Variants in YY2 observed in about 807,000 individuals in gnomAD.
YY2 encodes YY2 transcription factor, also known as transcription factor YY2.
For missense variants in YY2, 254 were observed against 305.3 expected (o/e 0.83, Z 1.25); for synonymous variants, 157 against 131.2 (o/e 1.20, Z -1.35).
chrX:21,856,272 C>T lies in YY2; in HGVS notation c.-213C>T, dbSNP rs1423213823. ...CCTGCGCCTTCCGGCTCGTGCTTTC[C>T]TCAGTCTCGCGCCTTTCTCTGCAGC... On this transcript the variant is annotated 5_prime_UTR_variant, in exon 1 of 1. Coordinates refer to ENST00000429584, the MANE Select transcript of YY2 (RefSeq NM_206923.4). 4.5e-6 allele frequency: 2 copies of T among 440,148 alleles called. No homozygotes were observed. The highest frequency in any genetic ancestry group is 4.1e-5 in the South Asian group (1 of 24,676). The allele number at this position is 440,148 out of a possible 1,213,427, so 36.3% of individuals were successfully genotyped here.
chrX:21,857,654 A>G lies in YY2; in HGVS notation c.*51A>G, dbSNP rs759534197. The G allele has an allele frequency of 8.9e-7, 1 of 1,123,802 alleles. No homozygotes were observed. The highest frequency in any genetic ancestry group is 1.2e-6 in the Non-Finnish European group (1 of 839,704). The allele number at this position is 1,123,802 out of a possible 1,213,427, so 92.6% of individuals were successfully genotyped here. A position where few individuals can be genotyped will look rare whatever the true frequency, so the allele number is the denominator to read the frequency against. ...GGGAATTATCTTCCAGGACTGCGGT[A>G]GGGAATAAATATGCCTCTCAAAGCT... On this transcript the variant is annotated 3_prime_UTR_variant, in exon 1 of 1. Transcript: ENST00000429584.
At position 21,857,624 on chromosome X, in the gene YY2, G is replaced by C; in HGVS notation, c.*21G>C. The C allele has an allele frequency of 8.5e-7, 1 of 1,180,595 alleles. No individual in the cohort carries two copies. The highest frequency in any genetic ancestry group is 1.1e-6 in the Non-Finnish European group (1 of 879,371). On this transcript the variant is annotated 3_prime_UTR_variant, in exon 1 of 1. Transcript: ENST00000429584. ...CGTGAAAAGGAGAAGACCCCTCTCAGACTTGGGAATTATCTTCCAGGACTG... is the reference window on the plus strand; with the variant it reads ...CGTGAAAAGGAGAAGACCCCTCTCACACTTGGGAATTATCTTCCAGGACTG...
rs937889302 is a variant in YY2 at position 21,856,403 on chromosome X, C to G, written c.-82C>G. On this transcript the variant is annotated 5_prime_UTR_variant, in exon 1 of 1. Coordinates refer to ENST00000429584, the MANE Select transcript of YY2 (RefSeq NM_206923.4). ...CCCTTCCTCTGCAGCTCGCCCCTTC[C>G]TCTGCAGCTCCCACCTCACTCCCCT... 9 of 1,081,822 alleles carry G rather than the reference C, an allele frequency of 8.3e-6. No individual in the cohort carries two copies. Among genetic ancestry groups the G allele is most frequent in the East Asian group, 6.1e-5 (2 of 33,041 alleles). The allele number at this position is 1,081,822 out of a possible 1,213,427, so 89.2% of individuals were successfully genotyped here. A position where few individuals can be genotyped will look rare whatever the true frequency, so the allele number is the denominator to read the frequency against.
In YY2 at chrX:21,856,298, TCGCGCCTTTCTCTGC is replaced by T; in HGVS notation, c.-186_-172del. 1 of 369,336 alleles carries T rather than the reference TCGCGCCTTTCTCTGC, an allele frequency of 2.7e-6. No homozygotes were observed. Among genetic ancestry groups the T allele is most frequent in the East Asian group, 4.7e-5 (1 of 21,455 alleles). The allele number at this position is 369,336 out of a possible 1,213,427, so 30.4% of individuals were successfully genotyped here. A position where few individuals can be genotyped will look rare whatever the true frequency, so the allele number is the denominator to read the frequency against. Reference sequence around the variant, plus strand: ...TCAGTCTCGCGCCTTTCTCTGCAGCTCGCGCCTTTCTCTGCAGCTCGCGCCTTTCTCTGCAGCTCG... The same window carrying T: ...TCAGTCTCGCGCCTTTCTCTGCAGCTAGCTCGCGCCTTTCTCTGCAGCTCG... On this transcript the variant is annotated 5_prime_UTR_variant, in exon 1 of 1. It introduces an in-frame stop codon into an upstream open reading frame of the 5' UTR. Transcript: ENST00000429584.
At position 21,856,561 on chromosome X, in the gene YY2, A is replaced by G. The variant is rs1167493043; in HGVS notation, c.77A>G (p.Asn26Ser). Residue 26 changes from asparagine (N) to serine (S), a missense_variant, in exon 1 of 1, where the codon AAT becomes AGT. Transcript: ENST00000429584. ...PADIVELHDINVEPLPMEDIP... is the reference protein window; with the variant it reads ...PADIVELHDISVEPLPMEDIP... The stretch of plus-strand genomic sequence containing the variant: ...GATATTGTGGAGCTCCACGACATCA[A>G]TGTGGAGCCCCTTCCTATGGAGGAC... The G allele has an allele frequency of 5.0e-6, 6 of 1,209,915 alleles. No individual in the cohort carries two copies. Among genetic ancestry groups the G allele is most frequent in the Non-Finnish European group, 6.7e-6 (6 of 894,931 alleles).
Position 21,857,223 on chromosome X carries a change from A to G in YY2, c.739A>G (p.Lys247Glu), listed in dbSNP as rs750059290. 6.6e-6 allele frequency: 8 copies of G among 1,212,113 alleles called. No individual in the cohort carries two copies. Among genetic ancestry groups the G allele is most frequent in the South Asian group, 5.3e-5 (3 of 57,011 alleles). ...EFTKVKPKRS[K>E]GEPPKTVPCS... ...TACTAAAGTGAAGCCCAAAAGGTCC[A>G]AAGGAGAACCTCCCAAAACAGTCCC... The change falls in exon 1 of 1, where the codon AAA becomes GAA. Residue 247 changes from lysine to glutamate, a missense_variant. Transcript: ENST00000429584.
rs2092921959 is a variant in YY2, at chrX:21,856,341, CCTTTCT to C, written c.-141_-136del. On this transcript the variant is annotated 5_prime_UTR_variant, in exon 1 of 1. Coordinates refer to ENST00000429584, the MANE Select transcript of YY2 (RefSeq NM_206923.4). ...CTCGCGCCTTTCTCTGCAGCTCGCG[CCTTTCT>C]CTGCAGCTCGCGCCTTTCTCTGCAG... is the stretch of plus-strand genomic sequence containing the variant. 1 of 541,737 alleles carries C rather than the reference CCTTTCT, an allele frequency of 1.8e-6. No homozygotes were observed. Among genetic ancestry groups the C allele is most frequent in the African/African-American group, 2.4e-5 (1 of 41,931 alleles). The allele number at this position is 541,737 out of a possible 1,213,427, so 44.6% of individuals were successfully genotyped here.
chrX:21,856,946 G>A lies in YY2; in HGVS notation c.462G>A (p.Glu154=). The A allele has an allele frequency of 2.5e-6, 3 of 1,212,080 alleles. No individual in the cohort carries two copies. In the South Asian group the frequency reaches 5.3e-5, roughly 21 times the overall value. The change falls in exon 1 of 1, where the codon GAG becomes GAA. Residue 154 remains glutamate, a synonymous_variant. Coordinates refer to ENST00000429584, the MANE Select transcript of YY2 (RefSeq NM_206923.4). ...KPSGKSATST[E]ANPAGSSSSL... ...GCGGCAAGAGTGCCACCAGCACTGAGGCCAACCCGGCAGGCAGCAGCTCCA... is the reference window on the plus strand; with the variant it reads ...GCGGCAAGAGTGCCACCAGCACTGAAGCCAACCCGGCAGGCAGCAGCTCCA...
In YY2 at chrX:21,856,977, G is replaced by A; in HGVS notation, c.493G>A (p.Gly165Ser). ...ANPAGSSSSL[G>S]TRKWEQKQMQ... The stretch of plus-strand genomic sequence containing the variant: ...CCCGGCAGGCAGCAGCTCCAGCCTG[G>A]GCACGAGGAAGTGGGAGCAGAAGCA... The change falls in exon 1 of 1, where the codon GGC (glycine) becomes AGC (serine). Residue 165 changes from glycine to serine, a missense_variant. Gly to Ser is a moderately conservative substitution (Grantham distance 56). Coordinates refer to ENST00000429584, the MANE Select transcript of YY2 (RefSeq NM_206923.4). 1 of 1,212,112 alleles carries A rather than the reference G, an allele frequency of 8.3e-7. No individual in the cohort carries two copies. The highest frequency in any genetic ancestry group is 1.1e-6 in the Non-Finnish European group (1 of 895,639).
chrX:21,856,309 T>C lies in YY2; in HGVS notation c.-176T>C, dbSNP rs2092921663. Reference sequence around the variant, plus strand: ...CCTTTCTCTGCAGCTCGCGCCTTTCTCTGCAGCTCGCGCCTTTCTCTGCAG... The same window carrying C: ...CCTTTCTCTGCAGCTCGCGCCTTTCCCTGCAGCTCGCGCCTTTCTCTGCAG... On this transcript the variant is annotated 5_prime_UTR_variant, in exon 1 of 1. Transcript: ENST00000429584. 2 of 365,210 alleles carry C rather than the reference T, an allele frequency of 5.5e-6. No homozygotes were observed. The highest frequency in any genetic ancestry group is 9.3e-6 in the Non-Finnish European group (2 of 213,960). 30.1% of individuals were successfully genotyped at this position (365,210 alleles called of 1,213,427 possible).
In YY2 at chrX:21,856,321, GC is replaced by G. The variant is rs2092921738; in HGVS notation, c.-162del. ...GCTCGCGCCTTTCTCTGCAGCTCGC[GC>G]CTTTCTCTGCAGCTCGCGCCTTTCT... On this transcript the variant is annotated 5_prime_UTR_variant, in exon 1 of 1. The change creates a premature stop within an existing upstream ORF in the 5' untranslated region. Transcript: ENST00000429584. 1.1e-5 allele frequency: 5 copies of G among 461,106 alleles called. No individual in the cohort carries two copies. In the Admixed American group the frequency reaches 1.1e-4, roughly 10 times the overall value. 38.0% of individuals were successfully genotyped at this position (461,106 alleles called of 1,213,427 possible).
Position 21,857,024 on chromosome X carries a change from G to A in YY2, c.540G>A (p.Glu180=). 3.3e-6 allele frequency: 4 copies of A among 1,212,049 alleles called. No individual in the cohort carries two copies. Among genetic ancestry groups the A allele is most frequent in the Non-Finnish European group, 4.5e-6 (4 of 895,589 alleles). ...AGCAAATGCAGGTCAAAACGCTGGAGGGTGAGTTTTCCGTGACTATGTGGT... is the reference window on the plus strand; with the variant it reads ...AGCAAATGCAGGTCAAAACGCTGGAAGGTGAGTTTTCCGTGACTATGTGGT... ...EQKQMQVKTL[E]GEFSVTMWSP... is the part of the protein sequence containing the mutation. Residue 180 remains glutamate (E), a synonymous_variant, in exon 1 of 1, where the codon GAG becomes GAA. Coordinates refer to ENST00000429584, the MANE Select transcript of YY2 (RefSeq NM_206923.4).
chrX:21,856,197 G>A lies in YY2; in HGVS notation c.-288G>A. The A allele has an allele frequency of 3.2e-6, 1 of 311,248 alleles. No homozygotes were observed. Among genetic ancestry groups the A allele is most frequent in the Non-Finnish European group, 5.6e-6 (1 of 177,979 alleles). 25.7% of individuals were successfully genotyped at this position (311,248 alleles called of 1,213,427 possible). On this transcript the variant is annotated 5_prime_UTR_variant, in exon 1 of 1. Transcript: ENST00000429584. ...GGCACGTGCACGTGCTTTTGGGGCC[G>A]ACAGACGCGCCAGTTGCCTAGGCGC...
chrX:21,856,169 G>T lies in YY2; in HGVS notation c.-316G>T, dbSNP rs1602141947. The T allele has an allele frequency of 3.7e-6, 1 of 273,340 alleles. No homozygotes were observed. Among genetic ancestry groups the T allele is most frequent in the Non-Finnish European group, 6.5e-6 (1 of 154,007 alleles). 22.5% of individuals were successfully genotyped at this position (273,340 alleles called of 1,213,427 possible). A position where few individuals can be genotyped will look rare whatever the true frequency, so the allele number is the denominator to read the frequency against. Reference sequence around the variant, plus strand: ...CGGGGTCGCAGGGTGGCAAACGTACGCGGGCACGTGCACGTGCTTTTGGGG... The same window carrying T: ...CGGGGTCGCAGGGTGGCAAACGTACTCGGGCACGTGCACGTGCTTTTGGGG... On this transcript the variant is annotated 5_prime_UTR_variant, in exon 1 of 1. Transcript: ENST00000429584.
rs2092922354 is a variant in YY2 at position 21,856,392 on chromosome X, C to CT, written c.-92dup. 2.0e-6 allele frequency: 2 copies of CT among 1,023,702 alleles called. No homozygotes were observed. Among genetic ancestry groups the CT allele is most frequent in the Non-Finnish European group, 2.6e-6 (2 of 757,511 alleles). 84.4% of individuals were successfully genotyped at this position (1,023,702 alleles called of 1,213,427 possible). A position where few individuals can be genotyped will look rare whatever the true frequency, so the allele number is the denominator to read the frequency against. ...CTGCAGCTCGCCCCTTCCTCTGCAG[C>CT]TCGCCCCTTCCTCTGCAGCTCCCAC... On this transcript the variant is annotated 5_prime_UTR_variant, in exon 1 of 1. The change abolishes the stop of an existing upstream ORF in the 5' untranslated region. Coordinates refer to ENST00000429584, the MANE Select transcript of YY2 (RefSeq NM_206923.4).
At position 21,857,669 on chromosome X, in the gene YY2, C is replaced by T. The variant is rs1297197059; in HGVS notation, c.*66C>T. ...GGACTGCGGTAGGGAATAAATATGCCTCTCAAAGCTTTGTATGTTGTTTCT... is the reference window on the plus strand; with the variant it reads ...GGACTGCGGTAGGGAATAAATATGCTTCTCAAAGCTTTGTATGTTGTTTCT... On this transcript the variant is annotated 3_prime_UTR_variant, in exon 1 of 1. Coordinates refer to ENST00000429584, the MANE Select transcript of YY2 (RefSeq NM_206923.4). 3 of 1,044,787 alleles carry T rather than the reference C, an allele frequency of 2.9e-6. No homozygotes were observed. The highest frequency in any genetic ancestry group is 2.0e-5 in the African/African-American group (1 of 50,603). The allele number at this position is 1,044,787 out of a possible 1,213,427, so 86.1% of individuals were successfully genotyped here. A position where few individuals can be genotyped will look rare whatever the true frequency, so the allele number is the denominator to read the frequency against.
chrX:21,856,707 G>C lies in YY2; in HGVS notation c.223G>C (p.Asp75His), dbSNP rs1302509429. The C allele has an allele frequency of 8.3e-7, 1 of 1,211,640 alleles. No homozygotes were observed. Among genetic ancestry groups the C allele is most frequent in the Non-Finnish European group, 1.1e-6 (1 of 895,528 alleles). The part of the protein sequence containing the change: ...LFTNTGYGDH[D>H]QEMLMLQTQE... Reference sequence around the variant, plus strand: ...CACGAACACGGGCTATGGCGACCACGACCAGGAAATGCTTATGTTGCAGAC... The same window carrying C: ...CACGAACACGGGCTATGGCGACCACCACCAGGAAATGCTTATGTTGCAGAC... The change falls in exon 1 of 1, where the codon GAC becomes CAC. Residue 75 changes from aspartate (D) to histidine (H), a missense_variant. By Grantham distance (81) the Asp-to-His change is moderately conservative (BLOSUM62 -1). Coordinates refer to ENST00000429584, the MANE Select transcript of YY2 (RefSeq NM_206923.4).
chrX:21,856,435 TC>T lies in YY2; in HGVS notation c.-49del, dbSNP rs1336534995. On this transcript the variant is annotated 5_prime_UTR_variant, in exon 1 of 1. It introduces an in-frame stop codon into an upstream open reading frame of the 5' UTR. Coordinates refer to ENST00000429584, the MANE Select transcript of YY2 (RefSeq NM_206923.4). ...GCTCCCACCTCACTCCCCTCAGCGT[TC>T]TTTTTCCCACGGTCTTCCCGTTGCC... 12 of 1,164,752 alleles carry T rather than the reference TC, an allele frequency of 1.0e-5. No homozygotes were observed. The African/African-American group carries it at 2.1e-4, about 21-fold the overall frequency.
Position 21,856,280 on chromosome X carries a change from CG to C in YY2, c.-204del. 3.5e-6 allele frequency: 1 copy of C among 287,090 alleles called. No homozygotes were observed. The highest frequency in any genetic ancestry group is 7.3e-5 in the East Asian group (1 of 13,664). 23.7% of individuals were successfully genotyped at this position (287,090 alleles called of 1,213,427 possible). ...TTCCGGCTCGTGCTTTCCTCAGTCT[CG>C]CGCCTTTCTCTGCAGCTCGCGCCTT... On this transcript the variant is annotated 5_prime_UTR_variant, in exon 1 of 1. The change creates a premature stop within an existing upstream ORF in the 5' untranslated region. Coordinates refer to ENST00000429584, the MANE Select transcript of YY2 (RefSeq NM_206923.4).
Sources: allele counts gnomAD v4.1 joint callset, GRCh38; gene constraint gnomAD v4.1.1; transcripts MANE v1.5; gene names NCBI Gene and HGNC (gene_info 2026-07-23, HGNC 2026-07-21).